Variants in DPP10 observed in about 807,000 individuals in gnomAD.
DPP10 encodes inactive dipeptidyl peptidase 10.
DPP10 carries 33 observed loss-of-function variants against 120.9 expected under a neutral mutation model. The observed-to-expected ratio is 0.27, with a 90% CI of 0.21 to 0.37. The LOEUF (loss-of-function observed/expected upper bound fraction) is 0.37. DPP10 is among the 10% of genes least tolerant of loss of function. The pLI is 1.00. For synonymous variants in DPP10, 337 were observed against 326.1 expected (o/e 1.03, Z -0.36); for missense variants, 816 against 942.8 (o/e 0.87, Z 1.76).
intron 1 of DPP10, among the ~76,000 whole-genome samples, chr2:114,657,943 G>T (rs186177951): frequency 6.6e-6 from 1 of 152,054 alleles, no homozygotes; most frequent in South Asian, 2.1e-4. Flanking sequence ...TCCAACCTAC[G>T]CATGTGTATA....
At chr2:115,263,105 T>G (rs2059323405) in intron 1 of DPP10, among the ~76,000 whole-genome samples, 1 of 152,140 alleles carries the variant, frequency 6.6e-6, no homozygotes, top group Non-Finnish European at 1.5e-5. Context: ...CTAGGTGTAG[T>G]TTTTTTATTC....
At position 115,015,336 on chromosome 2, in the gene DPP10, T is replaced by C. The variant is rs186137106; in HGVS notation, c.61-293903T>C. Reference sequence around the variant, plus strand: ...CTAAAAATTCTCAATAAACTAGGTATTGATGGAACATACTCAAAATAATAA... The same window carrying C: ...CTAAAAATTCTCAATAAACTAGGTACTGATGGAACATACTCAAAATAATAA... On this transcript the variant is annotated intron_variant, in intron 1 of 25. Transcript: ENST00000410059. Among the ~76,000 whole-genome samples, 1,248 of 152,318 alleles carry C rather than the reference T, an allele frequency of 8.2e-3. 11 individuals carry two copies. The highest frequency in any genetic ancestry group is 0.012 in the Non-Finnish European group (831 of 68,028).
chr2:115,377,248 C>T (rs2065884211), intron 3 of DPP10, among the ~76,000 whole-genome samples: 1 of 150,848 alleles, frequency 6.6e-6, no homozygotes, highest in Non-Finnish European at 1.5e-5. Flanking sequence ...GCCATTCTAA[C>T]TGGTGTGAGA....
At chr2:114,924,692 A>G (rs976811707) in intron 1 of DPP10, among the ~76,000 whole-genome samples, 8 of 152,244 alleles carry the variant, frequency 5.3e-5, no homozygotes, top group Middle Eastern at 3.4e-3. Flanking sequence ...GTTGGAGGAC[A>G]CACCAGCATG....
chr2:115,756,208 G>A (rs1274694149), intron 11 of DPP10, among the ~76,000 whole-genome samples: 1 of 152,068 alleles, frequency 6.6e-6, no homozygotes, highest in East Asian at 1.9e-4. Context: ...ATAGAGAGAA[G>A]TTAGTTAACA....
rs902533058 is a variant in DPP10 at position 114,718,928 on chromosome 2, A to C, written c.60+276090A>C. Among the ~76,000 whole-genome samples the C allele has an allele frequency of 2.3e-4, 35 of 152,166 alleles. 1 individual carries two copies. Among genetic ancestry groups the C allele is most frequent in the Admixed American group, 1.7e-3 (26 of 15,274 alleles). The stretch of plus-strand genomic sequence containing the variant: ...GCATTGGTAGTGACACACATTCTCA[A>C]ATGTTGAAATAAAGAAAACAAAATT... On this transcript the variant is annotated intron_variant, in intron 1 of 25. Coordinates refer to ENST00000410059, the MANE Select transcript of DPP10 (RefSeq NM_020868.6).
chr2:114,450,498 T>C (rs553614903), intron 1 of DPP10, among the ~76,000 whole-genome samples: 1 of 152,228 alleles, frequency 6.6e-6, no homozygotes, highest in East Asian at 1.9e-4. Context: ...CAATTAATAT[T>C]GTTTAAATAA....
intron 1 of DPP10, among the ~76,000 whole-genome samples, chr2:115,101,825 C>T (rs1406481601): frequency 6.6e-6 from 1 of 152,170 alleles, no homozygotes; most frequent in Non-Finnish European, 1.5e-5. Flanking sequence ...AGGCCTCTAA[C>T]GCACTTGCAA....
At chr2:114,561,968 G>A (rs1688799518) in intron 1 of DPP10, among the ~76,000 whole-genome samples, 1 of 152,210 alleles carries the variant, frequency 6.6e-6, no homozygotes. Flanking sequence ...ATTTAATTTA[G>A]CAGTTAAATA....
intron 1 of DPP10, among the ~76,000 whole-genome samples, chr2:114,757,173 AAAG>A (rs775188638): frequency 1.3e-5 from 2 of 149,122 alleles, no homozygotes; most frequent in Non-Finnish European, 3.0e-5. Context: ...AGGTGGGAGA[AAAG>A]AAGAAAGAGG....
At chr2:115,077,326 A>T (rs1707888863) in intron 1 of DPP10, among the ~76,000 whole-genome samples, 1 of 152,184 alleles carries the variant, frequency 6.6e-6, no homozygotes, top group African/African-American at 2.4e-5. Context: ...AAAAAGATAA[A>T]AGAATTATAT....
At chr2:115,082,356 A>G (rs1708343708) in intron 1 of DPP10, among the ~76,000 whole-genome samples, 1 of 152,174 alleles carries the variant, frequency 6.6e-6, no homozygotes, top group South Asian at 2.1e-4. Flanking sequence ...AAACTGGTAC[A>G]AAGTCTGTGT....
At chr2:115,086,943 C>T (rs1265880918) in intron 1 of DPP10, among the ~76,000 whole-genome samples, 1 of 152,132 alleles carries the variant, frequency 6.6e-6, no homozygotes, top group Non-Finnish European at 1.5e-5. Context: ...TGACTATTTT[C>T]GTCAACATAT....
intron 1 of DPP10, among the ~76,000 whole-genome samples, chr2:115,287,792 C>G (rs1313213778): frequency 2.0e-5 from 3 of 152,072 alleles, no homozygotes; most frequent in Admixed American, 2.0e-4. Context: ...TAGGGACATA[C>G]TTGACCAAGG....
intron 1 of DPP10, among the ~76,000 whole-genome samples, chr2:115,254,311 A>C (rs1329628724): frequency 1.3e-5 from 2 of 152,118 alleles, no homozygotes; most frequent in African/African-American, 4.8e-5. Flanking sequence ...ATCTCATGAA[A>C]ACTCACTCAT....
chr2:115,563,790 A>T (rs2080832949), intron 5 of DPP10, among the ~76,000 whole-genome samples: 1 of 152,224 alleles, frequency 6.6e-6, no homozygotes, highest in Non-Finnish European at 1.5e-5. Flanking sequence ...AACATAACAA[A>T]ATATCAAACA....
At chr2:115,228,278 A>C (rs2057543708) in intron 1 of DPP10, among the ~76,000 whole-genome samples, 1 of 152,018 alleles carries the variant, frequency 6.6e-6, no homozygotes, top group Non-Finnish European at 1.5e-5. Context: ...TGCTTGATAC[A>C]GGAATACAAT....
At chr2:114,847,841 G>T (rs1023440890) in intron 1 of DPP10, among the ~76,000 whole-genome samples, 1 of 152,182 alleles carries the variant, frequency 6.6e-6, no homozygotes, top group Non-Finnish European at 1.5e-5. Flanking sequence ...ATGGGGGAAA[G>T]TACTGAATAA....
At chr2:114,644,179 TGAACTGCCTGCCTCGGC>T in intron 1 of DPP10, among the ~76,000 whole-genome samples, 1 of 150,328 alleles carries the variant, frequency 6.7e-6, no homozygotes, top group East Asian at 1.9e-4. Context: ...CCTGACTTCG[TGAACTGCCTGCCTCGGC>T]CTCCCAAAGT....
Sources: gnomAD v4.1 joint callset for allele counts (sites outside exome capture counted in the v4.1 genomes callset) on GRCh38, gnomAD v4.1.1 for gene constraint, MANE v1.5 for transcripts, NCBI Gene and HGNC (gene_info 2026-07-23, HGNC 2026-07-21) for gene names.